The following NKAIN2 variants were observed in gnomAD, a reference collection of about 807,000 sequenced individuals.
NKAIN2 encodes sodium/potassium transporting ATPase interacting 2, also known as sodium/potassium-transporting ATPase subunit beta-1-interacting protein 2.
A neutral mutation model predicts 32.6 loss-of-function variants in NKAIN2; 14 were observed. The ratio of observed to expected loss-of-function variants is 0.43; its 90% CI spans 0.28 to 0.67. The LOEUF (loss-of-function observed/expected upper bound fraction) is 0.67, where lower values mean the gene tolerates loss of function less well. Among genes scored for constraint, NKAIN2 ranks in the 30% least tolerant of loss-of-function variants. NKAIN2 has a pLI of 0.17. For synonymous variants in NKAIN2, 80 were observed against 87.2 expected (o/e 0.92, Z 0.46); for missense variants, 198 against 258.3 (o/e 0.77, Z 1.60).
intron 3 of NKAIN2, among the ~76,000 whole-genome samples, chr6:124,461,184 C>T (rs1776516243): frequency 6.6e-6 from 1 of 151,556 alleles, no homozygotes; most frequent in Admixed American, 6.6e-5. Context: ...TCTTTTAATT[C>T]CTTGGTCAAA....
At chr6:124,383,482 C>T (rs1468800469) in intron 3 of NKAIN2, among the ~76,000 whole-genome samples, 1 of 152,182 alleles carries the variant, frequency 6.6e-6, no homozygotes, top group Non-Finnish European at 1.5e-5. Flanking sequence ...CTAACTATCT[C>T]TTTCTTCCCT....
At chr6:124,099,456 A>C (rs1784783599) in intron 1 of NKAIN2, among the ~76,000 whole-genome samples, 1 of 152,248 alleles carries the variant, frequency 6.6e-6, no homozygotes, top group African/African-American at 2.4e-5. Flanking sequence ...CCTAAATAAC[A>C]TTTGTGACAC....
intron 5 of NKAIN2, among the ~76,000 whole-genome samples, chr6:124,809,654 G>C (rs2114855633): frequency 6.6e-6 from 1 of 150,434 alleles, no homozygotes; most frequent in South Asian, 2.1e-4. Flanking sequence ...AAACTAAAGA[G>C]CTTCTGCACA....
chr6:124,688,779 T>G (rs1362401731), intron 4 of NKAIN2, among the ~76,000 whole-genome samples: 2 of 152,134 alleles, frequency 1.3e-5, no homozygotes, highest in African/African-American at 4.8e-5. Flanking sequence ...AATATAAGTT[T>G]TCTCCATATC....
chr6:124,641,704 A>G (rs1784001231), intron 3 of NKAIN2, among the ~76,000 whole-genome samples: 1 of 151,312 alleles, frequency 6.6e-6, no homozygotes, highest in Non-Finnish European at 1.5e-5. Context: ...GGTGTGCACC[A>G]CCATGCCAGC....
At chr6:124,536,820 C>A (rs1298524958) in intron 3 of NKAIN2, among the ~76,000 whole-genome samples, 1 of 151,932 alleles carries the variant, frequency 6.6e-6, no homozygotes, top group Non-Finnish European at 1.5e-5. Context: ...GTTCATGTGG[C>A]AAACAAACAA....
At chr6:124,495,031 T>C (rs929023538) in intron 3 of NKAIN2, among the ~76,000 whole-genome samples, 121 of 152,278 alleles carry the variant, frequency 7.9e-4, no homozygotes, top group African/African-American at 2.8e-3. Context: ...TTTATGATAA[T>C]GTTATAATAA....
At chr6:124,487,420 A>G (rs1777694581) in intron 3 of NKAIN2, among the ~76,000 whole-genome samples, 1 of 152,166 alleles carries the variant, frequency 6.6e-6, no homozygotes, top group Admixed American at 6.6e-5. Context: ...CATTCCTAAA[A>G]TTTCAACAGC....
intron 1 of NKAIN2, among the ~76,000 whole-genome samples, chr6:123,909,075 T>C (rs1775031295): frequency 6.6e-6 from 1 of 152,144 alleles, no homozygotes; most frequent in African/African-American, 2.4e-5. Flanking sequence ...ATGAATATAT[T>C]CCAGTCATTT....
At chr6:124,603,384 A>G (rs1782379205) in intron 3 of NKAIN2, among the ~76,000 whole-genome samples, 1 of 151,946 alleles carries the variant, frequency 6.6e-6, no homozygotes, top group Non-Finnish European at 1.5e-5. Flanking sequence ...AGTATTCCTT[A>G]AATTCCTGCA....
chr6:124,390,642 G>C (rs1415188287), intron 3 of NKAIN2: 1 of 152,066 alleles, frequency 6.6e-6, no homozygotes, highest in Non-Finnish European at 1.5e-5. Flanking sequence ...CCAGTGATTT[G>C]CAAGGAAGAT....
intron 4 of NKAIN2, among the ~76,000 whole-genome samples, chr6:124,780,306 A>G (rs1779200900): frequency 6.6e-6 from 1 of 152,160 alleles, no homozygotes. Context: ...ATATGCAAAA[A>G]TGAATTAAGT....
chr6:124,496,657 T>C (rs974865621), intron 3 of NKAIN2, among the ~76,000 whole-genome samples: 1 of 152,036 alleles, frequency 6.6e-6, no homozygotes, highest in African/African-American at 2.4e-5. Flanking sequence ...TGAGGTGAGG[T>C]GTGGGCTGAA....
chr6:124,534,521 G>A (rs571541863), intron 3 of NKAIN2, among the ~76,000 whole-genome samples: 4 of 152,118 alleles, frequency 2.6e-5, no homozygotes, highest in Non-Finnish European at 5.9e-5. Context: ...GATCAATGCT[G>A]GTTACTAAAT....
At chr6:123,978,346 T>A (rs1778736519) in intron 1 of NKAIN2, among the ~76,000 whole-genome samples, 1 of 152,160 alleles carries the variant, frequency 6.6e-6, no homozygotes, top group African/African-American at 2.4e-5. Context: ...CCCTTTTGAA[T>A]TATGAGTCTA....
chr6:123,815,418 T>G (rs1773652180), intron 1 of NKAIN2, among the ~76,000 whole-genome samples: 1 of 152,210 alleles, frequency 6.6e-6, no homozygotes, highest in African/African-American at 2.4e-5. Flanking sequence ...ATGCACTTGA[T>G]GCAACATTAC....
chr6:124,028,528 A>G (rs761102033), intron 1 of NKAIN2, among the ~76,000 whole-genome samples: 12 of 151,788 alleles, frequency 7.9e-5, no homozygotes, highest in Non-Finnish European at 1.6e-4. Context: ...AACTTAAAGT[A>G]TAATAATAAT....
intron 2 of NKAIN2, among the ~76,000 whole-genome samples, chr6:124,310,450 A>C (rs1271218296): frequency 6.6e-6 from 1 of 152,128 alleles, no homozygotes; most frequent in African/African-American, 2.4e-5. Context: ...TGTTTTAACA[A>C]ACAGAATGTG....
At chr6:123,968,386 CAATT>C (rs1370935127) in intron 1 of NKAIN2, among the ~76,000 whole-genome samples, 1 of 152,152 alleles carries the variant, frequency 6.6e-6, no homozygotes, top group African/African-American at 2.4e-5. Context: ...AATTTAAAAA[CAATT>C]AAACAAATGT....
Sources: allele counts gnomAD v4.1 joint callset (sites outside exome capture counted in the v4.1 genomes callset), GRCh38; gene constraint gnomAD v4.1.1; transcripts MANE v1.5; gene names NCBI Gene and HGNC (gene_info 2026-07-23, HGNC 2026-07-21).